CDR2: variants seen among roughly 807,000 people sequenced by gnomAD.
The protein encoded by CDR2 is cerebellar degeneration related protein 2.
A neutral mutation model predicts 48.4 loss-of-function variants in CDR2; 34 were observed. The ratio of observed to expected loss-of-function variants is 0.70; its 90% confidence interval spans 0.53 to 0.94. The LOEUF (loss-of-function observed/expected upper bound fraction) is 0.94. Among genes scored for constraint, CDR2 ranks in the 40% least tolerant of loss-of-function variants. The pLI, the probability that CDR2 is intolerant of heterozygous loss-of-function variation, is 0.00. For synonymous variants in CDR2, 240 were observed against 219.7 expected (o/e 1.09, Z -0.82); for missense variants, 498 against 549.5 (o/e 0.91, Z 0.94).
At position 22,349,786 on chromosome 16, in the gene CDR2, G is replaced by C. The variant is rs780033551; in HGVS notation, c.256C>G (p.Gln86Glu). 1 of 1,613,914 alleles carries C rather than the reference G, an allele frequency of 6.2e-7. No homozygotes were observed. The highest frequency in any genetic ancestry group is 8.5e-7 in the Non-Finnish European group (1 of 1,179,850). The part of the protein sequence containing the change: ...MNEQHAKVYE[Q>E]LDVTARELEE... ...AGTTCCCTTGCTGTGACGTCTAATT[G>C]TTCATAAACCTTTGCATGTTGTTCG... Residue 86 changes from glutamine (Q) to glutamate (E), a missense_variant, in exon 3 of 5, where the codon CAA becomes GAA. Gln to Glu is a conservative substitution (Grantham distance 29). Coordinates refer to ENST00000268383, the MANE Select transcript of CDR2 (RefSeq NM_001802.2).
chr16:22,350,271 G>A (rs562714952), intron 2 of CDR2, among the ~76,000 whole-genome samples: 83 of 152,086 alleles, frequency 5.5e-4, no homozygotes, highest in Non-Finnish European at 1.0e-3. Flanking sequence ...GTTGGGGTGG[G>A]GCTGACATAG....
chr16:22,369,040 T>TA (rs1424649438), intron 1 of CDR2: 2 of 152,148 alleles, frequency 1.3e-5, no homozygotes, highest in African/African-American at 4.8e-5. Flanking sequence ...AGACAAAGTA[T>TA]AAAAACATTA....
At chr16:22,367,817 A>G (rs2049052644) in intron 1 of CDR2, among the ~76,000 whole-genome samples, 1 of 152,236 alleles carries the variant, frequency 6.6e-6, no homozygotes, top group African/African-American at 2.4e-5. Context: ...GATCATTTAA[A>G]AACATTTTAC....
intron 2 of CDR2, among the ~76,000 whole-genome samples, chr16:22,351,780 T>C (rs940777570): frequency 6.6e-6 from 1 of 152,190 alleles, no homozygotes; most frequent in African/African-American, 2.4e-5. Flanking sequence ...AATGCCGCAG[T>C]GTAAGTCACC....
Position 22,374,253 on chromosome 16 carries a change from G to A in CDR2, c.57C>T (p.Tyr19=). The change falls in exon 1 of 5, where the codon TAC becomes TAT. Residue 19 remains tyrosine, a synonymous_variant. Coordinates refer to ENST00000268383, the MANE Select transcript of CDR2 (RefSeq NM_001802.2). ...CACCTTGCTGGAGGTCCTGGTGGTC[G>A]TACCACGGCTCGTCCTCCTTCATCT... The part of the protein sequence containing the change: ...EFEMKEDEPW[Y]DHQDLQQDLQ... 1.9e-6 allele frequency: 3 copies of A among 1,602,196 alleles called. No homozygotes were observed. Among genetic ancestry groups the A allele is most frequent in the East Asian group, 2.3e-5 (1 of 43,498 alleles).
intron 2 of CDR2, among the ~76,000 whole-genome samples, chr16:22,356,113 A>T (rs1320170154): frequency 2.0e-5 from 3 of 152,190 alleles, no homozygotes; most frequent in Non-Finnish European, 4.4e-5. Flanking sequence ...TAAATATGTT[A>T]ATACGTATCT....
intron 2 of CDR2, among the ~76,000 whole-genome samples, chr16:22,356,950 AAAG>A (rs1275953825): frequency 6.5e-4 from 92 of 141,170 alleles, no homozygotes; most frequent in South Asian, 1.1e-3. Context: ...CAAAAAAAAA[AAAG>A]AAAAAAAAAA....
chr16:22,364,543 T>G (rs2049032416), intron 2 of CDR2, among the ~76,000 whole-genome samples: 2 of 152,148 alleles, frequency 1.3e-5, no homozygotes, highest in African/African-American at 4.8e-5. Context: ...TATTGTTCTC[T>G]TACCCCATTC....
intron 2 of CDR2, among the ~76,000 whole-genome samples, chr16:22,351,094 T>C (rs1244517541): frequency 2.0e-5 from 3 of 152,176 alleles, no homozygotes; most frequent in Admixed American, 2.0e-4. Flanking sequence ...TTCCCACCTA[T>C]GAGTGAGAAC....
intron 2 of CDR2, among the ~76,000 whole-genome samples, chr16:22,354,659 G>A (rs1251707831): frequency 1.3e-5 from 2 of 151,780 alleles, no homozygotes; most frequent in South Asian, 2.1e-4. Flanking sequence ...AGGCCAAGGC[G>A]GGTGGATCAC....
intron 2 of CDR2, among the ~76,000 whole-genome samples, chr16:22,351,932 A>G (rs1197977080): frequency 6.6e-6 from 1 of 152,180 alleles, no homozygotes; most frequent in Non-Finnish European, 1.5e-5. Flanking sequence ...AAACTGTAAA[A>G]GACTCAGAAC....
In CDR2 at chr16:22,346,835, T is replaced by C. The variant is rs2048908109; in HGVS notation, c.*130A>G. The C allele has an allele frequency of 1.1e-5, 11 of 1,011,314 alleles. No homozygotes were observed. Among genetic ancestry groups the C allele is most frequent in the Non-Finnish European group, 1.5e-5 (10 of 676,322 alleles). 62.6% of individuals were successfully genotyped at this position (1,011,314 alleles called of 1,614,324 possible). A position where few individuals can be genotyped will look rare whatever the true frequency, so the allele number is the denominator to read the frequency against. ...ACCTCCTTTCCTCGTTGTATGCATT[T>C]GCTAAATAAGCAAAGCAATGAGGCA... On this transcript the variant is annotated 3_prime_UTR_variant, in exon 5 of 5. Coordinates refer to ENST00000268383, the MANE Select transcript of CDR2 (RefSeq NM_001802.2).
At chr16:22,361,669 T>C (rs376376378) in intron 2 of CDR2, among the ~76,000 whole-genome samples, 1 of 151,998 alleles carries the variant, frequency 6.6e-6, no homozygotes, top group Admixed American at 6.6e-5. Context: ...AAGCAACTTA[T>C]AAAAGGAAAG....
intron 2 of CDR2, among the ~76,000 whole-genome samples, chr16:22,352,010 G>T (rs1374820467): frequency 6.6e-6 from 1 of 152,186 alleles, no homozygotes; most frequent in Non-Finnish European, 1.5e-5. Flanking sequence ...CACTTTGGGA[G>T]GCCAAAACAG....
rs764498774 is a variant in CDR2 at position 22,347,264 on chromosome 16, G to T, written c.1066C>A (p.Leu356Met). Residue 356 changes from leucine to methionine, a missense_variant, in exon 5 of 5, where the codon CTG becomes ATG. Transcript: ENST00000268383. Reference sequence around the variant, plus strand: ...AGCAACTCTTCATACTTCACCTTCAGGGCGCTGTACTGCGTGTCCACTTCG... The same window carrying T: ...AGCAACTCTTCATACTTCACCTTCATGGCGCTGTACTGCGTGTCCACTTCG... Reference protein sequence around the residue: ...LHEVDTQYSALKVKYEELLKK... With the variant: ...LHEVDTQYSAMKVKYEELLKK... 1 of 1,614,104 alleles carries T rather than the reference G, an allele frequency of 6.2e-7. No homozygotes were observed. Among genetic ancestry groups the T allele is most frequent in the African/African-American group, 1.3e-5 (1 of 74,944 alleles).
chr16:22,371,848 ATGTGTGTGTGTGTG>A (rs56274013), intron 1 of CDR2, among the ~76,000 whole-genome samples: 44 of 148,552 alleles, frequency 3.0e-4, no homozygotes, highest in African/African-American at 8.4e-4. Context: ...AGGTTCAGAT[ATGTGTGTGTGTGTG>A]TGTGTGTGTG....
rs934231957 is a variant in CDR2 at position 22,346,894 on chromosome 16, C to T, written c.*71G>A. The stretch of plus-strand genomic sequence containing the variant: ...GAGTAACATTAGGCTTCAGAGTCTA[C>T]AAACACTTGTCTGAATGGGAGAGAG... On this transcript the variant is annotated 3_prime_UTR_variant, in exon 5 of 5. Transcript: ENST00000268383. 2.5e-5 allele frequency: 37 copies of T among 1,507,200 alleles called. No homozygotes were observed. In the African/African-American group the frequency reaches 4.3e-4, roughly 17 times the overall value. 93.4% of individuals were successfully genotyped at this position (1,507,200 alleles called of 1,614,324 possible).
intron 2 of CDR2, among the ~76,000 whole-genome samples, chr16:22,358,564 G>A (rs748892582): frequency 1.1e-4 from 17 of 151,834 alleles, no homozygotes; most frequent in Non-Finnish European, 2.1e-4. Flanking sequence ...GGGAAAGATA[G>A]AAACAAACGA....
At chr16:22,372,716 C>A (rs1006167335) in intron 1 of CDR2, among the ~76,000 whole-genome samples, 15 of 152,070 alleles carry the variant, frequency 9.9e-5, no homozygotes, top group African/African-American at 3.6e-4. Flanking sequence ...CCAAACACTG[C>A]ACTGCAACCA....
Sources: allele counts gnomAD v4.1 joint callset (sites outside exome capture counted in the v4.1 genomes callset), GRCh38; gene constraint gnomAD v4.1.1; transcripts MANE v1.5; gene names NCBI Gene and HGNC (gene_info 2026-07-23, HGNC 2026-07-21).